Variants in SLC26A9 observed in about 807,000 individuals in gnomAD.
The protein encoded by SLC26A9 is anion transporter/exchanger protein 9.
SLC26A9 carries 46 observed loss-of-function variants against 87.1 expected under a neutral mutation model. The observed-to-expected ratio is 0.53, with a 90% confidence interval of 0.42 to 0.67. SLC26A9 has a LOEUF of 0.67. Among genes scored for constraint, SLC26A9 ranks in the 30% least tolerant of loss-of-function variants. The pLI is 0.00. For missense variants in SLC26A9, 927 were observed against 1,018.3 expected (o/e 0.91, Z 1.22); for synonymous variants, 437 against 409.1 (o/e 1.07, Z -0.82).
chr1:205,922,136 C>T (rs1658866447), intron 16 of SLC26A9, among the ~76,000 whole-genome samples: 1 of 152,188 alleles, frequency 6.6e-6, no homozygotes, highest in Non-Finnish European at 1.5e-5. Context: ...TCCGGGGACA[C>T]TGAGCTCCTT....
At chr1:205,933,160 T>A in intron 2 of SLC26A9, 76 bp from the exon 3 acceptor site, 1 of 1,569,532 alleles carries the variant, frequency 6.4e-7, no homozygotes, top group Non-Finnish European at 8.7e-7. Flanking sequence ...GATTATCATA[T>A]CCTGCTCATT....
Position 205,913,633 on chromosome 1 carries a change from A to G in SLC26A9, c.*1724T>C, listed in dbSNP as rs905791364. ...AGGGGAGAGTGAGTTGTCATTGGCT[A>G]AGGCTCTTGTCCTCCTGGAATTTGG... is the stretch of plus-strand genomic sequence containing the variant. On this transcript the variant is annotated 3_prime_UTR_variant, in exon 21 of 21. Coordinates refer to ENST00000367135, the MANE Select transcript of SLC26A9 (RefSeq NM_052934.4). The G allele has an allele frequency of 6.6e-6, 1 of 152,592 alleles. No individual in the cohort carries two copies. The highest frequency in any genetic ancestry group is 2.4e-5 in the African/African-American group (1 of 41,424). The allele number at this position is 152,592 out of a possible 1,614,324, so 9.5% of individuals were successfully genotyped here.
chr1:205,927,096 T>G, intron 11 of SLC26A9, 115 bp downstream of exon 11: 14 of 1,053,052 alleles, frequency 1.3e-5, no homozygotes, highest in Non-Finnish European at 1.9e-5. Context: ...AGTTTGTGGT[T>G]GAGACTAAGT....
intron 1 of SLC26A9, among the ~76,000 whole-genome samples, chr1:205,940,747 G>A (rs913382019): frequency 4.6e-5 from 7 of 152,204 alleles, no homozygotes; most frequent in Non-Finnish European, 1.5e-5. Flanking sequence ...GTGGGTTTTG[G>A]TTGGATCTGG....
intron 17 of SLC26A9, among the ~76,000 whole-genome samples, chr1:205,920,561 C>T (rs567550863): frequency 3.2e-4 from 49 of 152,194 alleles, no homozygotes; most frequent in East Asian, 3.9e-4. Context: ...AGTGCAGTGG[C>T]GTGATCTTGG....
At position 205,920,224 on chromosome 1, in the gene SLC26A9, A is replaced by C. The variant is rs547069444; in HGVS notation, c.2062T>G (p.Ser688Ala). The change falls in exon 18 of 21, where the codon TCC becomes GCC. Residue 688 changes from serine (S) to alanine (A), a missense_variant. Coordinates refer to ENST00000367135, the MANE Select transcript of SLC26A9 (RefSeq NM_052934.4). ...MGIKALAKLS[S>A]TYGKIGVKVF... ...TTCACGCCGATCTTCCCATAGGTGG[A>C]GCTCAGCTAGAAGTGTTGTTGGGGT... The C allele has an allele frequency of 2.2e-5, 36 of 1,614,006 alleles. No homozygotes were observed. Among genetic ancestry groups the C allele is most frequent in the East Asian group, 4.5e-5 (2 of 44,864 alleles).
At chr1:205,940,037 G>A (rs1196591989) in intron 1 of SLC26A9, among the ~76,000 whole-genome samples, 2 of 152,168 alleles carry the variant, frequency 1.3e-5, no homozygotes, top group African/African-American at 4.8e-5. Context: ...GTGCAGGGAA[G>A]GGGGGCAGGT....
At chr1:205,923,667 T>G in intron 13 of SLC26A9, 54 bp from the exon 14 acceptor site, 1 of 1,606,052 alleles carries the variant, frequency 6.2e-7, no homozygotes, top group South Asian at 1.1e-5. Flanking sequence ...CACATGGGCC[T>G]GGAAGGGTGC....
At chr1:205,929,407 T>C in intron 6 of SLC26A9, 51 bp from the exon 7 acceptor site, 1 of 1,594,376 alleles carries the variant, frequency 6.3e-7, no homozygotes, top group Non-Finnish European at 8.6e-7. Context: ...CTTCCCATAA[T>C]ACCCCACCTT....
chr1:205,942,079 G>A (rs1458758552), intron 1 of SLC26A9, among the ~76,000 whole-genome samples: 1 of 152,216 alleles, frequency 6.6e-6, no homozygotes, highest in Non-Finnish European at 1.5e-5. Flanking sequence ...GCAAGTTCAC[G>A]GGGGTCAGTC....
chr1:205,922,243 T>G (rs1211621086), intron 16 of SLC26A9, among the ~76,000 whole-genome samples: 2 of 152,196 alleles, frequency 1.3e-5, no homozygotes, highest in African/African-American at 2.4e-5. Flanking sequence ...TTCAAGTGAT[T>G]CTCGTGCCTC....
At position 205,943,187 on chromosome 1, in the gene SLC26A9, C is replaced by T. The variant is rs182991625; in HGVS notation, c.-19+178G>A. On this transcript the variant is annotated intron_variant, in intron 1 of 20. Coordinates refer to ENST00000367135, the MANE Select transcript of SLC26A9 (RefSeq NM_052934.4). ...CATAGACGTGAAGACCCAAAGGGCTCCTCAGAGGGGAAGGGCTGGGAGGCT... is the reference window on the plus strand; with the variant it reads ...CATAGACGTGAAGACCCAAAGGGCTTCTCAGAGGGGAAGGGCTGGGAGGCT... 6.8e-3 allele frequency among the ~76,000 whole-genome samples: 1,042 copies of T among 152,322 alleles called. 8 individuals are homozygous for T. Among genetic ancestry groups the T allele is most frequent in the African/African-American group, 0.023 (945 of 41,568 alleles).
intron 7 of SLC26A9, 129 bp downstream of exon 7, chr1:205,929,075 T>C (rs1659200161): frequency 6.8e-7 from 1 of 1,469,528 alleles, no homozygotes; most frequent in African/African-American, 1.4e-5. Context: ...ATACGGGGGA[T>C]GGGATGGATT....
Position 205,923,546 on chromosome 1 carries a change from T to C in SLC26A9, c.1564A>G (p.Arg522Gly). Residue 522 changes from arginine (R) to glycine (G), a missense_variant and splice_region_variant, in exon 14 of 21, where the codon AGG becomes GGG. Coordinates refer to ENST00000367135, the MANE Select transcript of SLC26A9 (RefSeq NM_052934.4). The part of the protein sequence containing the change: ...DIYVNPKTYN[R>G]AQDIQGIKII... ...GGTCATAAGCTTGAATTACCTACCC[T>C]ATTATAGGTCTTGGGATTCACATAA... is the stretch of plus-strand genomic sequence containing the variant. 6.2e-7 allele frequency: 1 copy of C among 1,614,192 alleles called. No individual in the cohort carries two copies. The highest frequency in any genetic ancestry group is 8.5e-7 in the Non-Finnish European group (1 of 1,180,038).
chr1:205,936,842 C>T (rs1218978806), intron 1 of SLC26A9, among the ~76,000 whole-genome samples: 1 of 152,198 alleles, frequency 6.6e-6, no homozygotes, highest in African/African-American at 2.4e-5. Flanking sequence ...ATGCCCCCAA[C>T]TTCCCAGAGG....
intron 12 of SLC26A9, 138 bp downstream of exon 12, chr1:205,926,397 G>A (rs564949864): frequency 1.4e-6 from 1 of 723,470 alleles, no homozygotes. Flanking sequence ...TCGAAACTCG[G>A]ACTTTTAACC....
chr1:205,937,226 A>G (rs1571759535), intron 1 of SLC26A9, among the ~76,000 whole-genome samples: 1 of 151,784 alleles, frequency 6.6e-6, no homozygotes, highest in African/African-American at 2.4e-5. Context: ...GCCCGGCAAG[A>G]CCCCACAGGT....
chr1:205,923,915 A>T (rs1213708258), intron 13 of SLC26A9, among the ~76,000 whole-genome samples: 1 of 152,114 alleles, frequency 6.6e-6, no homozygotes. Flanking sequence ...CTGAGTTCTC[A>T]AGAAGAGAAG....
chr1:205,935,754 C>G lies in SLC26A9; in HGVS notation c.67G>C (p.Glu23Gln), dbSNP rs1659484575. ...TATGTCCGGTCCTTCTTCTCAAACT[C>G]ATCGTCGAAGAGGGTAAGGGAGTAT... ...AAYSLTLFDD[E>Q]FEKKDRTYPV... is the part of the protein sequence containing the mutation. Residue 23 changes from glutamate (E) to glutamine (Q), a missense_variant, in exon 2 of 21, where the codon GAG (glutamate) becomes CAG (glutamine). Coordinates refer to ENST00000367135, the MANE Select transcript of SLC26A9 (RefSeq NM_052934.4). 1 of 1,614,112 alleles carries G rather than the reference C, an allele frequency of 6.2e-7. No homozygotes were observed. The highest frequency in any genetic ancestry group is 8.5e-7 in the Non-Finnish European group (1 of 1,179,980).
Sources: allele counts gnomAD v4.1 joint callset (sites outside exome capture counted in the v4.1 genomes callset), GRCh38; gene constraint gnomAD v4.1.1; transcripts MANE v1.5; gene names NCBI Gene and HGNC (gene_info 2026-07-23, HGNC 2026-07-21).